The following TENM3 variants were observed in gnomAD, a reference collection of about 807,000 sequenced individuals.
TENM3 encodes teneurin-3.
TENM3 carries 63 observed loss-of-function variants against 255.1 expected under a neutral mutation model. The observed-to-expected ratio is 0.25, with a 90% CI of 0.20 to 0.30. The LOEUF is 0.30. Ranked by LOEUF, TENM3 falls within the 10% of genes least tolerant of loss-of-function variation. The pLI is 1.00. For synonymous variants in TENM3, 1,306 were observed against 1,322.3 expected (o/e 0.99, Z 0.27); for missense variants, 2,929 against 3,461.1 (o/e 0.85, Z 3.86).
Position 182,222,161 on chromosome 4 carries a change from A to G in TENM3, c.-76+77407A>G, listed in dbSNP as rs1472074799. On this transcript the variant is annotated intron_variant, in intron 1 of 2. Transcript: ENST00000512480. ...GGGAGTTTTCTACTGCATTTTTGCC[A>G]ATTGAATTATGATGTGAGATGGTAT... 1.3e-5 allele frequency among the ~76,000 whole-genome samples: 2 copies of G among 152,190 alleles called. 1 individual carries two copies.
chr4:182,096,593 T>G, the TENM3 span, among the ~76,000 whole-genome samples: 1 of 152,110 alleles, frequency 6.6e-6, no homozygotes, highest in Non-Finnish European at 1.5e-5. Context: ...AGTGAGACAA[T>G]CAGATATTGC....
the TENM3 span, among the ~76,000 whole-genome samples, chr4:181,462,566 T>G: frequency 6.6e-6 from 1 of 152,208 alleles, no homozygotes; most frequent in South Asian, 2.1e-4. Context: ...TTCAAATATT[T>G]TGCCTGGTTT....
At chr4:182,716,917 G>T (rs777776319) in intron 13 of TENM3, among the ~76,000 whole-genome samples, 29 of 152,200 alleles carry the variant, frequency 1.9e-4, no homozygotes, top group Non-Finnish European at 3.1e-4. Flanking sequence ...GAACTCAGGA[G>T]GAGGAGAGGG....
At chr4:182,780,800 T>G (rs986018067) in intron 24 of TENM3, among the ~76,000 whole-genome samples, 2 of 151,908 alleles carry the variant, frequency 1.3e-5, no homozygotes, top group Non-Finnish European at 2.9e-5. Context: ...TCCTAGGTAT[T>G]TTATTCTGTT....
At chr4:182,621,802 TA>T (rs1264456860) in intron 4 of TENM3, among the ~76,000 whole-genome samples, 7 of 5,546 alleles carry the variant, frequency 1.3e-3, no homozygotes, top group Non-Finnish European at 0.01. Context: ...TAATATATAA[TA>T]TATATATTAT....
At chr4:182,169,418 T>C (rs1368635880) in intron 1 of TENM3, 2 of 410,462 alleles carry the variant, frequency 4.9e-6, no homozygotes, top group Non-Finnish European at 4.9e-6. Flanking sequence ...AAAAGAAGTC[T>C]CCTGAGATGG....
the TENM3 span, among the ~76,000 whole-genome samples, chr4:181,788,798 A>G: frequency 6.6e-6 from 1 of 152,114 alleles, no homozygotes; most frequent in African/African-American, 2.4e-5. Flanking sequence ...AGGTTTCACT[A>G]TGTTGCCCAG....
At chr4:181,991,996 T>G in the TENM3 span, among the ~76,000 whole-genome samples, 1 of 152,182 alleles carries the variant, frequency 6.6e-6, no homozygotes, top group African/African-American at 2.4e-5. Flanking sequence ...TAAAACTGAC[T>G]GCTAAACCTT....
chr4:181,765,382 C>A, the TENM3 span, among the ~76,000 whole-genome samples: 1 of 152,098 alleles, frequency 6.6e-6, no homozygotes, highest in African/African-American at 2.4e-5. Context: ...AAAATCATTT[C>A]TTTCTTGCTC....
At chr4:181,872,493 G>T in the TENM3 span, among the ~76,000 whole-genome samples, 4 of 151,772 alleles carry the variant, frequency 2.6e-5, no homozygotes, top group Non-Finnish European at 4.4e-5. Context: ...CTTCTGATAG[G>T]CCCCAGTGTG....
the TENM3 span, among the ~76,000 whole-genome samples, chr4:182,100,810 C>CATATATACACATAT: frequency 7.9e-4 from 5 of 6,340 alleles, 1 homozygote; most frequent in Admixed American, 0.012. Context: ...TATATATACA[C>CATATATACACATAT]ATATATATAC....
the TENM3 span, among the ~76,000 whole-genome samples, chr4:181,468,132 C>CCAAAAA: frequency 7.5e-3 from 986 of 130,704 alleles, 54 homozygotes; most frequent in African/African-American, 0.026. Context: ...CCCATCTGTA[C>CCAAAAA]AAAAAAAAAA....
At chr4:182,653,504 A>G (rs1753503182) in intron 5 of TENM3, among the ~76,000 whole-genome samples, 1 of 152,216 alleles carries the variant, frequency 6.6e-6, no homozygotes, top group Non-Finnish European at 1.5e-5. Flanking sequence ...GCAAATAATG[A>G]TTGATTCCTA....
chr4:182,540,818 A>G (rs377576668), intron 3 of TENM3, among the ~76,000 whole-genome samples: 3 of 152,198 alleles, frequency 2.0e-5, no homozygotes, highest in Non-Finnish European at 4.4e-5. Context: ...ATGAAGAGGA[A>G]CTGCATATGC....
chr4:181,528,711 ATTCC>A, the TENM3 span, among the ~76,000 whole-genome samples: 2 of 152,198 alleles, frequency 1.3e-5, no homozygotes, highest in African/African-American at 4.8e-5. Flanking sequence ...AGGAGGTGGA[ATTCC>A]ATCCCAGAAA....
At chr4:182,568,105 ACCT>A (rs1743979303) in intron 3 of TENM3, among the ~76,000 whole-genome samples, 3 of 152,210 alleles carry the variant, frequency 2.0e-5, no homozygotes, top group Non-Finnish European at 4.4e-5. Context: ...AATCATGTGC[ACCT>A]AATTCATCAG....
the TENM3 span, among the ~76,000 whole-genome samples, chr4:181,699,535 A>G: frequency 6.6e-6 from 1 of 151,142 alleles, no homozygotes; most frequent in Non-Finnish European, 1.5e-5. Context: ...TATACAATTT[A>G]TAGAGACTAA....
In TENM3 at chr4:182,688,239, G is replaced by A. The variant is rs767732590; in HGVS notation, c.2109G>A (p.Thr703=). ...GGTCRCEEGW[T]GPACNQRACH... ...CGTGTCGCTGTGAAGAAGGCTGGAC[G>A]GGCCCAGCCTGTAATCAGAGAGCCT... Residue 703 remains threonine, a synonymous_variant, in exon 12 of 28, where the codon ACG becomes ACA. Coordinates refer to ENST00000511685, the MANE Select transcript of TENM3 (RefSeq NM_001080477.4). 71 of 1,613,720 alleles carry A rather than the reference G, an allele frequency of 4.4e-5. No homozygotes were observed. In the African/African-American group the frequency reaches 6.1e-4, roughly 14 times the overall value.
the TENM3 span, among the ~76,000 whole-genome samples, chr4:181,555,022 A>G: frequency 2.0e-5 from 3 of 152,168 alleles, no homozygotes; most frequent in Admixed American, 2.0e-4. Context: ...ATAATTTTAT[A>G]TTTTTATCAT....
Sources: gnomAD v4.1 joint callset for allele counts (sites outside exome capture counted in the v4.1 genomes callset) on GRCh38, gnomAD v4.1.1 for gene constraint, MANE v1.5 for transcripts, NCBI Gene and HGNC (gene_info 2026-07-23, HGNC 2026-07-21) for gene names.